PLPPR1: variants seen among roughly 807,000 people sequenced by gnomAD.
PLPPR1 encodes the protein phospholipid phosphatase related 1, also known as phospholipid phosphatase-related protein type 1.
In PLPPR1, 10 loss-of-function variants were observed where a neutral mutation model predicts 33.1. That is an observed-to-expected ratio of 0.30 (90% CI 0.19 to 0.51). PLPPR1 has a LOEUF of 0.51. Ranked by LOEUF, PLPPR1 falls within the 20% of genes least tolerant of loss-of-function variation. The probability of loss-of-function intolerance (pLI) is 0.97; values close to 1 mark genes in which losing one functional copy is unlikely to be tolerated. For synonymous variants in PLPPR1, 151 were observed against 151.0 expected, an observed-to-expected ratio of 1.00 and a Z score of 0.00; for missense variants, 304 against 408.1, an observed-to-expected ratio of 0.74 and a Z score of 2.20.
chr9:101,300,436 G>A (rs182211650), intron 4 of PLPPR1, among the ~76,000 whole-genome samples: 2 of 152,278 alleles, frequency 1.3e-5, no homozygotes, highest in East Asian at 3.9e-4. Context: ...CTTCCAGAGT[G>A]TTGATATTAT....
intron 1 of PLPPR1, among the ~76,000 whole-genome samples, chr9:101,166,158 A>G (rs1484807472): frequency 6.6e-6 from 1 of 152,098 alleles, no homozygotes; most frequent in African/African-American, 2.4e-5. Context: ...GCACGTCCAC[A>G]TTGCCTGGGC....
chr9:101,250,946 C>T (rs976375045), intron 2 of PLPPR1, among the ~76,000 whole-genome samples: 2 of 151,942 alleles, frequency 1.3e-5, no homozygotes, highest in Non-Finnish European at 2.9e-5. Flanking sequence ...CTTGTCATCA[C>T]CTTTTTCAGT....
intron 3 of PLPPR1, among the ~76,000 whole-genome samples, chr9:101,285,688 A>C (rs952842453): frequency 2.6e-5 from 4 of 152,196 alleles, no homozygotes; most frequent in African/African-American, 9.7e-5. Flanking sequence ...AAACCTGTTG[A>C]TATAAAGTGA....
rs115763885 is a variant in PLPPR1, at chr9:101,309,135, C to T, written c.386-76C>T. ...TTGATAGGTCATCATGGACTCTCACCGCTGTTTTCTCTTAGGAGAAAAATG... is the reference window on the plus strand; with the variant it reads ...TTGATAGGTCATCATGGACTCTCACTGCTGTTTTCTCTTAGGAGAAAAATG... On this transcript the variant is annotated intron_variant, in intron 4 of 7. Transcript: ENST00000374874. 6.1e-3 allele frequency: 8,956 copies of T among 1,464,680 alleles called. 452 individuals carry two copies. The African/African-American group carries it at 0.11, about 18-fold the overall frequency. The allele number at this position is 1,464,680 out of a possible 1,614,324, so 90.7% of individuals were successfully genotyped here.
intron 1 of PLPPR1, among the ~76,000 whole-genome samples, chr9:101,153,278 T>C (rs1237750701): frequency 6.6e-6 from 1 of 152,240 alleles, no homozygotes; most frequent in Admixed American, 6.5e-5. Context: ...GCTTATCAGC[T>C]TAAGGAGATT....
intron 2 of PLPPR1, among the ~76,000 whole-genome samples, chr9:101,240,253 G>A (rs1827434853): frequency 6.6e-6 from 1 of 151,902 alleles, no homozygotes; most frequent in Admixed American, 6.6e-5. Context: ...TCATTGGTCT[G>A]TATGTCTGTT....
chr9:101,146,660 G>GT (rs1326054310), intron 1 of PLPPR1, among the ~76,000 whole-genome samples: 1 of 152,166 alleles, frequency 6.6e-6, no homozygotes, highest in Non-Finnish European at 1.5e-5. Flanking sequence ...TTACTCCCCA[G>GT]TAAGGGCCTA....
chr9:101,158,306 G>A (rs929697157), intron 1 of PLPPR1, among the ~76,000 whole-genome samples: 1 of 152,098 alleles, frequency 6.6e-6, no homozygotes, highest in Non-Finnish European at 1.5e-5. Flanking sequence ...AGATGAGAGA[G>A]GGTTTCATCA....
chr9:101,321,564 A>G (rs1295452040), intron 7 of PLPPR1, among the ~76,000 whole-genome samples: 1 of 151,910 alleles, frequency 6.6e-6, no homozygotes, highest in Non-Finnish European at 1.5e-5. Context: ...CATGTTCTAC[A>G]CCCCGCCCCA....
intron 1 of PLPPR1, among the ~76,000 whole-genome samples, chr9:101,122,023 C>G (rs1416492346): frequency 6.6e-6 from 1 of 152,212 alleles, no homozygotes; most frequent in Non-Finnish European, 1.5e-5. Context: ...GTCTAGAAAG[C>G]TGGAGCATGT....
At chr9:101,293,820 T>G (rs1828565474) in intron 4 of PLPPR1, among the ~76,000 whole-genome samples, 1 of 151,274 alleles carries the variant, frequency 6.6e-6, no homozygotes, top group South Asian at 2.1e-4. Context: ...AGAGGGAAAT[T>G]TATAGCACTA....
intron 1 of PLPPR1, among the ~76,000 whole-genome samples, chr9:101,095,148 C>T (rs540841201): frequency 1.1e-4 from 16 of 152,210 alleles, no homozygotes; most frequent in African/African-American, 3.6e-4. Context: ...GTTTTCCAAG[C>T]TCAATAGTCT....
intron 4 of PLPPR1, among the ~76,000 whole-genome samples, chr9:101,294,056 G>A (rs1828571044): frequency 1.3e-5 from 2 of 152,070 alleles, no homozygotes; most frequent in South Asian, 4.1e-4. Flanking sequence ...TAGACCGCTA[G>A]CAAGACTAAT....
At chr9:101,073,569 A>AT (rs1267256931) in intron 1 of PLPPR1, among the ~76,000 whole-genome samples, 1 of 151,816 alleles carries the variant, frequency 6.6e-6, no homozygotes, top group Non-Finnish European at 1.5e-5. Context: ...GGAGAAATTG[A>AT]TTGTAGAACA....
At chr9:101,246,075 T>TAC (rs1554683615) in intron 2 of PLPPR1, among the ~76,000 whole-genome samples, 1 of 90,336 alleles carries the variant, frequency 1.1e-5, no homozygotes, top group Admixed American at 1.1e-4. Flanking sequence ...TATATATATA[T>TAC]ATATATATAT....
At chr9:101,213,800 T>A (rs943228593) in intron 2 of PLPPR1, among the ~76,000 whole-genome samples, 1 of 152,224 alleles carries the variant, frequency 6.6e-6, no homozygotes, top group Non-Finnish European at 1.5e-5. Flanking sequence ...CTTAGTTTAA[T>A]CATAAGCCCC....
At chr9:101,077,684 G>A (rs764334561) in intron 1 of PLPPR1, among the ~76,000 whole-genome samples, 3 of 152,174 alleles carry the variant, frequency 2.0e-5, no homozygotes, top group Non-Finnish European at 4.4e-5. Context: ...ACAATCCCAC[G>A]AGGAGCTCCA....
intron 1 of PLPPR1, among the ~76,000 whole-genome samples, chr9:101,064,476 CA>C (rs1296211598): frequency 6.6e-6 from 1 of 152,058 alleles, no homozygotes; most frequent in Non-Finnish European, 1.5e-5. Context: ...AGAGCAAACA[CA>C]GAAGCTGCAG....
At position 101,165,017 on chromosome 9, in the gene PLPPR1, G is replaced by T. The variant is rs373661248; in HGVS notation, c.-45-20433G>T. ...TTCCACAGTTCTCCTTGGAACAATCGTAAATATCTGCCATGTGTTGTTCAC... is the reference window on the plus strand; with the variant it reads ...TTCCACAGTTCTCCTTGGAACAATCTTAAATATCTGCCATGTGTTGTTCAC... On this transcript the variant is annotated intron_variant, in intron 1 of 7. Coordinates refer to ENST00000374874, the MANE Select transcript of PLPPR1 (RefSeq NM_207299.2). Among the ~76,000 whole-genome samples, 22 of 152,246 alleles carry T rather than the reference G, an allele frequency of 1.4e-4. No individual in the cohort carries two copies. In the East Asian group the frequency reaches 4.3e-3, roughly 29 times the overall value.
Sources: allele counts gnomAD v4.1 joint callset (sites outside exome capture counted in the v4.1 genomes callset), GRCh38; gene constraint gnomAD v4.1.1; transcripts MANE v1.5; gene names NCBI Gene and HGNC (gene_info 2026-07-23, HGNC 2026-07-21).